Variants in PRKCE observed in about 807,000 individuals in gnomAD.
PRKCE encodes the protein protein kinase C epsilon.
In PRKCE, 16 loss-of-function variants were observed where a neutral mutation model predicts 85.4. The ratio of observed to expected loss-of-function variants is 0.19; its 90% CI spans 0.13 to 0.28. The LOEUF (loss-of-function observed/expected upper bound fraction) is 0.28, where lower values mean the gene tolerates loss of function less well. Ranked by LOEUF, PRKCE falls within the 10% of genes least tolerant of loss-of-function variation. The pLI is 1.00. For synonymous variants in PRKCE, 388 were observed against 371.5 expected, an observed-to-expected ratio of 1.04 and a Z score of -0.51; for missense variants, 573 against 975.2, an observed-to-expected ratio of 0.59 and a Z score of 5.49.
At chr2:45,954,472 A>G (rs1443981408) in intron 2 of PRKCE, among the ~76,000 whole-genome samples, 1 of 152,242 alleles carries the variant, frequency 6.6e-6, no homozygotes, top group Non-Finnish European at 1.5e-5. Context: ...TCAGCCCAGC[A>G]TGAGGGTCTT....
intron 2 of PRKCE, among the ~76,000 whole-genome samples, chr2:45,966,495 G>A (rs1701738746): frequency 6.6e-6 from 1 of 152,052 alleles, no homozygotes; most frequent in Non-Finnish European, 1.5e-5. Context: ...GAATAGGCAG[G>A]GTTTGACAGT....
At chr2:45,799,408 T>C (rs1297191161) in intron 1 of PRKCE, among the ~76,000 whole-genome samples, 2 of 151,840 alleles carry the variant, frequency 1.3e-5, no homozygotes, top group Admixed American at 6.6e-5. Context: ...AAATATTTGG[T>C]CAGGTTTGGT....
chr2:45,886,822 G>T (rs1409205543), intron 2 of PRKCE, among the ~76,000 whole-genome samples: 4 of 152,188 alleles, frequency 2.6e-5, no homozygotes, highest in Admixed American at 1.3e-4. Context: ...GTGGGAAAAG[G>T]TCCCTCTTTT....
intron 1 of PRKCE, among the ~76,000 whole-genome samples, chr2:45,708,533 T>C (rs1211687150): frequency 2.0e-5 from 3 of 152,248 alleles, no homozygotes; most frequent in African/African-American, 7.2e-5. Flanking sequence ...TTGACTGCTG[T>C]TGTCCATGTA....
At chr2:45,873,412 G>A (rs911405532) in intron 2 of PRKCE, among the ~76,000 whole-genome samples, 3 of 151,060 alleles carry the variant, frequency 2.0e-5, no homozygotes, top group Admixed American at 1.3e-4. Flanking sequence ...GGTACAAGCT[G>A]CATACGAGTC....
intron 1 of PRKCE, among the ~76,000 whole-genome samples, chr2:45,812,828 C>G (rs1250766170): frequency 6.6e-6 from 1 of 152,154 alleles, no homozygotes; most frequent in Non-Finnish European, 1.5e-5. Flanking sequence ...TCTTGCATCA[C>G]TTAAAATCTA....
At chr2:45,699,019 T>C (rs1351899165) in intron 1 of PRKCE, among the ~76,000 whole-genome samples, 1 of 152,120 alleles carries the variant, frequency 6.6e-6, no homozygotes, top group Non-Finnish European at 1.5e-5. Context: ...TAGCCCCTAG[T>C]TTTTATTTTT....
At chr2:45,903,502 G>C (rs1696722909) in intron 2 of PRKCE, among the ~76,000 whole-genome samples, 1 of 152,192 alleles carries the variant, frequency 6.6e-6, no homozygotes, top group African/African-American at 2.4e-5. Context: ...TTGCAGGTAA[G>C]ATACAGGACA....
intron 11 of PRKCE, among the ~76,000 whole-genome samples, chr2:46,090,003 T>TA: frequency 6.6e-6 from 1 of 152,048 alleles, no homozygotes; most frequent in Non-Finnish European, 1.5e-5. Context: ...GTCTCTGGTT[T>TA]AAAAAAATAC....
intron 1 of PRKCE, among the ~76,000 whole-genome samples, chr2:45,780,807 T>C (rs1240086279): frequency 6.6e-6 from 1 of 152,222 alleles, no homozygotes; most frequent in Non-Finnish European, 1.5e-5. Context: ...TCACATTTGC[T>C]TTCTTCCCTT....
At chr2:45,694,244 G>A (rs1558564403) in intron 1 of PRKCE, among the ~76,000 whole-genome samples, 3 of 151,194 alleles carry the variant, frequency 2.0e-5, no homozygotes, top group South Asian at 2.1e-4. Flanking sequence ...TCTAGGAAAC[G>A]ACAGTAGGAG....
chr2:45,886,788 G>C (rs1002504864), intron 2 of PRKCE, among the ~76,000 whole-genome samples: 1 of 152,188 alleles, frequency 6.6e-6, no homozygotes, highest in East Asian at 1.9e-4. Context: ...GAGTATTAAA[G>C]ACTTAGAAAG....
At chr2:45,805,312 A>G (rs1273602985) in intron 1 of PRKCE, among the ~76,000 whole-genome samples, 1 of 152,196 alleles carries the variant, frequency 6.6e-6, no homozygotes, top group Non-Finnish European at 1.5e-5. Context: ...GCCACTACAC[A>G]TAAGGCCTTT....
intron 2 of PRKCE, among the ~76,000 whole-genome samples, chr2:45,963,993 G>C (rs183748891): frequency 3.9e-5 from 6 of 152,308 alleles, no homozygotes; most frequent in African/African-American, 1.4e-4. Flanking sequence ...GTGATCTTGA[G>C]TTCACTTTGC....
At chr2:46,091,282 T>A (rs1307310652) in intron 11 of PRKCE, among the ~76,000 whole-genome samples, 1 of 152,140 alleles carries the variant, frequency 6.6e-6, no homozygotes, top group African/African-American at 2.4e-5. Flanking sequence ...TGTGGGAGGT[T>A]TTTGAAGGGT....
At chr2:45,800,784 G>A (rs774678145) in intron 1 of PRKCE, among the ~76,000 whole-genome samples, 3 of 152,158 alleles carry the variant, frequency 2.0e-5, no homozygotes, top group Non-Finnish European at 4.4e-5. Flanking sequence ...GGCTTCCTTC[G>A]GCCCGTAAAT....
At chr2:45,734,039 G>C (rs746954175) in intron 1 of PRKCE, among the ~76,000 whole-genome samples, 9 of 152,180 alleles carry the variant, frequency 5.9e-5, no homozygotes, top group Non-Finnish European at 1.0e-4. Context: ...CGCAGTTGAG[G>C]CTGGGTAATT....
Position 46,164,344 on chromosome 2 carries a change from G to A in PRKCE, c.2067+4592G>A, listed in dbSNP as rs183383918. On this transcript the variant is annotated intron_variant, in intron 14 of 14. Coordinates refer to ENST00000306156, the MANE Select transcript of PRKCE (RefSeq NM_005400.3). ...TGGTGGCCTCAAGGAGACATTGGGC[G>A]TGTGTTTAAACAAGCAAGGAAGGCA... Among the ~76,000 whole-genome samples the A allele has an allele frequency of 8.3e-4, 127 of 152,304 alleles. 1 individual carries two copies. Among genetic ancestry groups the A allele is most frequent in the South Asian group, 2.1e-4 (1 of 4,822 alleles).
intron 1 of PRKCE, among the ~76,000 whole-genome samples, chr2:45,715,234 C>G: frequency 6.6e-6 from 1 of 152,256 alleles, no homozygotes; most frequent in Non-Finnish European, 1.5e-5. Flanking sequence ...CGAGATGCTC[C>G]TGGTCCACAC....
Sources: allele counts gnomAD v4.1 joint callset (sites outside exome capture counted in the v4.1 genomes callset), GRCh38; gene constraint gnomAD v4.1.1; transcripts MANE v1.5; gene names NCBI Gene and HGNC (gene_info 2026-07-23, HGNC 2026-07-21).